PACS2: variants seen among roughly 807,000 people sequenced by gnomAD.
PACS2 encodes PACS1-like protein.
PACS2 carries 36 observed loss-of-function variants against 113.0 expected under a neutral mutation model. The observed-to-expected ratio is 0.32, with a 90% CI of 0.24 to 0.42. PACS2 has a LOEUF of 0.42. Ranked by LOEUF, PACS2 falls within the 10% of genes least tolerant of loss-of-function variation. The pLI is 1.00. For synonymous variants in PACS2, 589 were observed against 536.1 expected, an observed-to-expected ratio of 1.10 and a Z score of -1.36; for missense variants, 1,015 against 1,239.5, an observed-to-expected ratio of 0.82 and a Z score of 2.72.
Position 105,348,539 on chromosome 14 carries a change from G to A in PACS2, c.166G>A (p.Glu56Lys). ...LKKLVVFKELEKELISVVIAV... is the reference protein window; with the variant it reads ...LKKLVVFKELKKELISVVIAV... ...GAAGCTGGTGGTCTTCAAGGAGCTG[G>A]AGAAGGAGCTGATCTCCGTGGTGAT... The change falls in exon 2 of 25, where the codon GAG becomes AAG. Residue 56 changes from glutamate to lysine, a missense_variant. Transcript: ENST00000447393. This position sits in a 1 kb window ranked among gnomAD's most constrained non-coding sequence, Gnocchi z 6.4. 1 of 1,612,554 alleles carries A rather than the reference G, an allele frequency of 6.2e-7. No individual in the cohort carries two copies. Among genetic ancestry groups the A allele is most frequent in the Non-Finnish European group, 8.5e-7 (1 of 1,179,814 alleles).
chr14:105,344,501 T>C (rs1487331850), intron 1 of PACS2, among the ~76,000 whole-genome samples: 1 of 152,194 alleles, frequency 6.6e-6, no homozygotes, highest in Non-Finnish European at 1.5e-5. Context: ...TAGTAGTTTG[T>C]GGCTTTCTAG....
At position 105,366,596 on chromosome 14, in the gene PACS2, G is replaced by A. The variant is rs1387577837; in HGVS notation, c.424-617G>A. Among the ~76,000 whole-genome samples, 2 of 152,200 alleles carry A rather than the reference G, an allele frequency of 1.3e-5. No individual in the cohort carries two copies. The highest frequency in any genetic ancestry group is 2.9e-5 in the Non-Finnish European group (2 of 68,032). The stretch of plus-strand genomic sequence containing the variant: ...CGTGGTTTGAGTGCCTCACAACAGA[G>A]GAGCTGGACCTGGCCTGTGAGCCAG... On this transcript the variant is annotated intron_variant, in intron 4 of 24. Transcript: ENST00000447393. The surrounding 1 kb of genome is among the most constrained non-coding windows in gnomAD (Gnocchi z 4.3).
In PACS2 at chr14:105,380,998, C is replaced by T. The variant is rs587636207; in HGVS notation, c.1167C>T (p.Asp389=). 2.5e-6 allele frequency: 4 copies of T among 1,612,502 alleles called. No individual in the cohort carries two copies. The highest frequency in any genetic ancestry group is 2.2e-5 in the South Asian group (2 of 91,000). ...GGGAGCACCCTGGACAGCCTGAGGA[C>T]AGCCCCGAGGCTGAGGCCTCCACCC... ...GPREHPGQPE[D]SPEAEASTLD... The change falls in exon 12 of 25, where the codon GAC becomes GAT. Residue 389 remains aspartate, a synonymous_variant. Coordinates refer to ENST00000447393, the MANE Select transcript of PACS2 (RefSeq NM_001100913.3).
intron 2 of PACS2, among the ~76,000 whole-genome samples, chr14:105,351,447 C>A (rs2060175934): frequency 6.6e-6 from 1 of 152,146 alleles, no homozygotes; most frequent in Non-Finnish European, 1.5e-5. Context: ...GCTTCTACTA[C>A]CCTCATTTTT....
Position 105,355,165 on chromosome 14 carries a change from C to T in PACS2, c.411C>T (p.Ile137=). The change falls in exon 4 of 25, where the codon ATC becomes ATT. Residue 137 remains isoleucine, a synonymous_variant. Transcript: ENST00000447393. This position sits in a 1 kb window ranked among gnomAD's most constrained non-coding sequence, Gnocchi z 4.1. ...ACAAGACGCTGGCCGCGGGCTCCAT[C>T]AGCATGGCTGAGGTGAGTGCTCCGT... is the stretch of plus-strand genomic sequence containing the variant. ...LGYKTLAAGS[I]SMAEVMQHPS... 2 of 1,613,272 alleles carry T rather than the reference C, an allele frequency of 1.2e-6. No homozygotes were observed. Among genetic ancestry groups the T allele is most frequent in the Non-Finnish European group, 1.7e-6 (2 of 1,179,884 alleles).
intron 1 of PACS2, among the ~76,000 whole-genome samples, chr14:105,319,092 C>T (rs587757258): frequency 2.6e-5 from 4 of 152,050 alleles, no homozygotes; most frequent in South Asian, 2.1e-4. Flanking sequence ...GGACTACAGG[C>T]GTGCACCACC....
rs587705886 is a variant in PACS2, at chr14:105,344,878, T to G, written c.120-3615T>G. Among the ~76,000 whole-genome samples, 28 of 141,030 alleles carry G rather than the reference T, an allele frequency of 2.0e-4. No individual in the cohort carries two copies. The East Asian group carries it at 6.0e-3, about 30-fold the overall frequency. 92.5% of individuals were successfully genotyped at this position (141,030 alleles called of 152,430 possible). On this transcript the variant is annotated intron_variant, in intron 1 of 24. Coordinates refer to ENST00000447393, the MANE Select transcript of PACS2 (RefSeq NM_001100913.3). The stretch of plus-strand genomic sequence containing the variant: ...ATCCCAGCACTTTGGGAGGCCGAGG[T>G]GGGTGGATCACCTGAGGTCAGGAGT...
At chr14:105,359,170 C>T (rs2060573972) in intron 4 of PACS2, among the ~76,000 whole-genome samples, 1 of 152,226 alleles carries the variant, frequency 6.6e-6, no homozygotes, top group Non-Finnish European at 1.5e-5. Context: ...GTGGTGACCT[C>T]CCAGGCCTTC....
intron 2 of PACS2, among the ~76,000 whole-genome samples, chr14:105,351,393 A>G (rs996713657): frequency 6.6e-6 from 1 of 152,102 alleles, no homozygotes; most frequent in Non-Finnish European, 1.5e-5. Flanking sequence ...CTGGGTATGA[A>G]CTGTGTTTTC....
rs2059588450 is a variant in PACS2 at position 105,337,957 on chromosome 14, G to C, written c.120-10536G>C. The stretch of plus-strand genomic sequence containing the variant: ...CAGCGTCCCCTCCAGTCTCTGGTTT[G>C]CATCATGCACAGGAGTGGGTGGGTG... On this transcript the variant is annotated intron_variant, in intron 1 of 24. Coordinates refer to ENST00000447393, the MANE Select transcript of PACS2 (RefSeq NM_001100913.3). Among the ~76,000 whole-genome samples, 5 of 152,226 alleles carry C rather than the reference G, an allele frequency of 3.3e-5. No individual in the cohort carries two copies. In the South Asian group the frequency reaches 1.0e-3, roughly 31 times the overall value.
chr14:105,303,841 C>T lies in PACS2; in HGVS notation c.-83+2862C>T, dbSNP rs184118445. Among the ~76,000 whole-genome samples, 35 of 152,286 alleles carry T rather than the reference C, an allele frequency of 2.3e-4. No homozygotes were observed. In the Middle Eastern group the frequency reaches 0.01, roughly 44 times the overall value. ...CTCTCTGTCCATGATGACATTTCAT[C>T]CTTATGGCAACACTAGCTTGCAGAC... On this transcript the variant is annotated intron_variant, in intron 1 of 23. Coordinates refer to the PACS2 transcript ENST00000430725.
chr14:105,394,519 A>AG, intron 24 of PACS2, 35 bp from the exon 25 acceptor site: 7 of 1,607,448 alleles, frequency 4.4e-6, no homozygotes, highest in South Asian at 2.2e-5. Flanking sequence ...CAGGCCGGGC[A>AG]GGGGGGCAGG....
At chr14:105,335,115 G>T (rs1375413196) in intron 1 of PACS2, among the ~76,000 whole-genome samples, 2 of 152,244 alleles carry the variant, frequency 1.3e-5, no homozygotes, top group Admixed American at 1.3e-4. Context: ...CTGGACAATG[G>T]CCGGCAGCTC....
At chr14:105,385,536 G>A (rs1011733119) in intron 18 of PACS2, 149 bp from the exon 19 acceptor site, 44 of 541,712 alleles carry the variant, frequency 8.1e-5, no homozygotes, top group African/African-American at 6.5e-4. Flanking sequence ...GGAGAGAGCC[G>A]AGTGCAAGGC....
Position 105,376,643 on chromosome 14 carries a change from G to A in PACS2, c.802-125G>A. Reference sequence around the variant, plus strand: ...AGAAGCTGGACTACAGCCGTGCTGAGTGGAGGGGTTTGGTGGCTGGGTGCC... The same window carrying A: ...AGAAGCTGGACTACAGCCGTGCTGAATGGAGGGGTTTGGTGGCTGGGTGCC... On this transcript the variant is annotated intron_variant, in intron 8 of 24. Coordinates refer to ENST00000447393, the MANE Select transcript of PACS2 (RefSeq NM_001100913.3). This position sits in a 1 kb window ranked among gnomAD's most constrained non-coding sequence, Gnocchi z 4.7. 3 of 790,230 alleles carry A rather than the reference G, an allele frequency of 3.8e-6. No individual in the cohort carries two copies. The highest frequency in any genetic ancestry group is 6.1e-6 in the Non-Finnish European group (3 of 494,794). The allele number at this position is 790,230 out of a possible 1,614,324, so 49.0% of individuals were successfully genotyped here. A position where few individuals can be genotyped will look rare whatever the true frequency, so the allele number is the denominator to read the frequency against.
intron 8 of PACS2, chr14:105,372,249 C>T (rs587662106): frequency 2.6e-5 from 4 of 152,328 alleles, no homozygotes; most frequent in East Asian, 1.9e-4. Context: ...CAGCTCACAG[C>T]GAAAGCGTCC....
chr14:105,394,562 G>A lies in PACS2; in HGVS notation c.2605G>A (p.Asp869Asn). ...QQQNMLRVLI[D>N]GVECSDVKFF... ...GCAGCCCTCTCCCACAGTCCTCATC[G>A]ACGGCGTGGAGTGCAGCGACGTCAA... is the stretch of plus-strand genomic sequence containing the variant. Residue 869 changes from aspartate to asparagine, a missense_variant, in exon 25 of 25, where the codon GAC becomes AAC. Physicochemically the swap from Asp to Asn is conservative, Grantham distance 23. Coordinates refer to ENST00000447393, the MANE Select transcript of PACS2 (RefSeq NM_001100913.3). The A allele has an allele frequency of 6.2e-7, 1 of 1,612,854 alleles. No individual in the cohort carries two copies. Among genetic ancestry groups the A allele is most frequent in the South Asian group, 1.1e-5 (1 of 91,086 alleles).
At chr14:105,393,936 G>A (rs1171024234) in intron 24 of PACS2, among the ~76,000 whole-genome samples, 1 of 151,696 alleles carries the variant, frequency 6.6e-6, no homozygotes, top group Non-Finnish European at 1.5e-5. Context: ...GAGCGCAGAG[G>A]CTGAGGCAGG....
chr14:105,390,663 T>G, intron 20 of PACS2: 1 of 176,510 alleles, frequency 5.7e-6, no homozygotes, highest in Non-Finnish European at 1.2e-5. Flanking sequence ...CGTGCAGTGG[T>G]TGGGTCTGCT....
Sources: gnomAD v4.1 joint callset for allele counts (sites outside exome capture counted in the v4.1 genomes callset) on GRCh38, gnomAD v4.1.1 for gene constraint, Gnocchi (gnomAD v3.1) non-coding constraint, MANE v1.5 for transcripts, NCBI Gene and HGNC (gene_info 2026-07-23, HGNC 2026-07-21) for gene names.